The following MYOF variants were observed in gnomAD, a reference collection of about 807,000 sequenced individuals.
The protein encoded by MYOF is myoferlin, also known as fer-1-like 3, myoferlin.
Under a neutral mutation model 284.2 loss-of-function variants are expected in MYOF, and 244 were observed. That is an observed-to-expected ratio of 0.86 (90% CI 0.77 to 0.95). The LOEUF is 0.95. MYOF is among the 40% of genes least tolerant of loss of function. MYOF has a pLI of 0.00. For synonymous variants in MYOF, 904 were observed against 919.7 expected (o/e 0.98, Z 0.31); for missense variants, 2,496 against 2,560.6 (o/e 0.97, Z 0.54).
At chr10:93,307,032 A>AACATGTATGTAT in intron 53 of MYOF, 31 bp from the exon 54 acceptor site, 1 of 1,585,846 alleles carries the variant, frequency 6.3e-7, no homozygotes, top group South Asian at 1.1e-5. Context: ...GTGGTAAAAA[A>AACATGTATGTAT]ACATGTATGT....
intron 40 of MYOF, among the ~76,000 whole-genome samples, chr10:93,336,536 G>A (rs1184565383): frequency 6.6e-6 from 1 of 152,122 alleles, no homozygotes; most frequent in Non-Finnish European, 1.5e-5. Context: ...ATCAGTTTGT[G>A]GTGAGAGAAA....
intron 3 of MYOF, among the ~76,000 whole-genome samples, chr10:93,438,283 C>A (rs565821577): frequency 5.8e-4 from 89 of 152,250 alleles, no homozygotes; most frequent in African/African-American, 2.0e-3. Flanking sequence ...CACGAGTCTC[C>A]GTTGCAGGGG....
At chr10:93,466,665 C>T (rs945715594) in intron 1 of MYOF, among the ~76,000 whole-genome samples, 1 of 152,204 alleles carries the variant, frequency 6.6e-6, no homozygotes, top group Non-Finnish European at 1.5e-5. Flanking sequence ...GCATATTAAA[C>T]ACATTCACGT....
At chr10:93,443,535 T>A (rs1488640297) in intron 3 of MYOF, among the ~76,000 whole-genome samples, 1 of 151,440 alleles carries the variant, frequency 6.6e-6, no homozygotes, top group African/African-American at 2.4e-5. Context: ...ACTAGTAACC[T>A]TGGCATCTTT....
At chr10:93,397,022 T>C (rs1847045233) in intron 15 of MYOF, among the ~76,000 whole-genome samples, 1 of 152,220 alleles carries the variant, frequency 6.6e-6, no homozygotes, top group Non-Finnish European at 1.5e-5. Flanking sequence ...TTTCAGCACG[T>C]TCCCCTTCTT....
chr10:93,479,842 A>G (rs1368336980), intron 1 of MYOF, among the ~76,000 whole-genome samples: 1 of 152,244 alleles, frequency 6.6e-6, no homozygotes, highest in African/African-American at 2.4e-5. Context: ...AAGAGACTAA[A>G]GTTAAATGTG....
chr10:93,310,796 T>G (rs1407099011), intron 51 of MYOF, among the ~76,000 whole-genome samples, 153 bp from the exon 52 acceptor site: 1 of 152,204 alleles, frequency 6.6e-6, no homozygotes, highest in Non-Finnish European at 1.5e-5. Context: ...TCATCCCATT[T>G]CCTCTTCCAT....
chr10:93,450,256 G>A (rs556303728), intron 3 of MYOF, among the ~76,000 whole-genome samples: 1 of 152,266 alleles, frequency 6.6e-6, no homozygotes, highest in South Asian at 2.1e-4. Context: ...GCCAGGCATG[G>A]TGGCACACGC....
chr10:93,377,261 C>T (rs964433603), intron 22 of MYOF, 62 bp downstream of exon 22: 1 of 1,155,708 alleles, frequency 8.7e-7, no homozygotes, highest in South Asian at 1.3e-5. Flanking sequence ...GATTTACAGT[C>T]TTAGAATTTC....
intron 27 of MYOF, 30 bp from the exon 28 acceptor site, chr10:93,361,587 A>G: frequency 6.2e-7 from 1 of 1,611,410 alleles, no homozygotes. Flanking sequence ...AACAAAGAAG[A>G]GAGGTAAGCC....
At chr10:93,477,958 G>A (rs1366294350) in intron 1 of MYOF, among the ~76,000 whole-genome samples, 2 of 152,150 alleles carry the variant, frequency 1.3e-5, no homozygotes, top group Admixed American at 6.5e-5. Flanking sequence ...CAACTTATAT[G>A]TCTAGAGCAA....
At chr10:93,432,440 C>T (rs1301283102) in intron 3 of MYOF, among the ~76,000 whole-genome samples, 1 of 151,846 alleles carries the variant, frequency 6.6e-6, no homozygotes, top group East Asian at 1.9e-4. Flanking sequence ...CACTACCCCC[C>T]GCCAGAATCC....
intron 44 of MYOF, among the ~76,000 whole-genome samples, 170 bp downstream of exon 44, chr10:93,329,494 C>T (rs917837555): frequency 2.6e-5 from 4 of 152,170 alleles, no homozygotes. Context: ...TGAATAGGGG[C>T]CATGAGGTGG....
intron 31 of MYOF, among the ~76,000 whole-genome samples, 174 bp downstream of exon 31, chr10:93,355,454 C>T (rs760650948): frequency 3.9e-5 from 6 of 152,004 alleles, no homozygotes; most frequent in Non-Finnish European, 7.4e-5. Context: ...GGCATGGTGA[C>T]GTGCGCCTGT....
At chr10:93,383,610 TG>T (rs113300487) in intron 19 of MYOF, among the ~76,000 whole-genome samples, 3 of 152,342 alleles carry the variant, frequency 2.0e-5, no homozygotes, top group African/African-American at 7.2e-5. Flanking sequence ...ATTCTGGGTT[TG>T]GGTTTGAATT....
chr10:93,348,784 A>G (rs1450856998), intron 36 of MYOF, among the ~76,000 whole-genome samples: 1 of 152,120 alleles, frequency 6.6e-6, no homozygotes, highest in Admixed American at 6.5e-5. Flanking sequence ...CTTTTCCCCA[A>G]GGTGGGCATA....
intron 3 of MYOF, among the ~76,000 whole-genome samples, chr10:93,435,029 A>G (rs1480842224): frequency 6.6e-6 from 1 of 152,254 alleles, no homozygotes; most frequent in Non-Finnish European, 1.5e-5. Context: ...AAGAAAATCA[A>G]AACGTAAAAA....
rs1847110954 is a variant in MYOF, at chr10:93,398,117, A to G, written c.1222-661T>C. 2.0e-5 allele frequency among the ~76,000 whole-genome samples: 3 copies of G among 152,232 alleles called. 1 individual carries two copies. Among genetic ancestry groups the G allele is most frequent in the African/African-American group, 2.4e-5 (1 of 41,554 alleles). On this transcript the variant is annotated intron_variant, in intron 13 of 53. Transcript: ENST00000359263. ...TCCTTCCCTGGGCTGATGAAGCCCT[A>G]CTGTCCCAACCCTACTTCTCACTGA...
intron 51 of MYOF, among the ~76,000 whole-genome samples, chr10:93,311,672 T>C (rs560991604): frequency 7.2e-5 from 11 of 151,922 alleles, no homozygotes; most frequent in Admixed American, 5.2e-4. Flanking sequence ...TAACAGACTT[T>C]CTAAGAGCCA....
Sources: allele counts gnomAD v4.1 joint callset (sites outside exome capture counted in the v4.1 genomes callset), GRCh38; gene constraint gnomAD v4.1.1; transcripts MANE v1.5; gene names NCBI Gene and HGNC (gene_info 2026-07-23, HGNC 2026-07-21).